Variants in RASAL2 observed in about 807,000 individuals in gnomAD.
RASAL2 encodes the protein RAS protein activator like 2.
RASAL2 carries 58 observed loss-of-function variants against 128.9 expected under a neutral mutation model. That is an observed-to-expected ratio of 0.45 (90% CI 0.36 to 0.56). RASAL2 has a LOEUF of 0.56. Ranked by LOEUF, RASAL2 falls within the 20% of genes least tolerant of loss-of-function variation. The pLI is 0.00. For synonymous variants in RASAL2, 561 were observed against 580.8 expected, an observed-to-expected ratio of 0.97 and a Z score of 0.49; for missense variants, 1,360 against 1,601.6, an observed-to-expected ratio of 0.85 and a Z score of 2.57.
chr1:178,271,631 C>T (rs536005935), intron 1 of RASAL2, among the ~76,000 whole-genome samples: 225 of 152,326 alleles, frequency 1.5e-3, no homozygotes, highest in Non-Finnish European at 2.7e-3. Context: ...TTCTCAGCTT[C>T]TTCCTCAAAG....
intron 1 of RASAL2, among the ~76,000 whole-genome samples, chr1:178,096,192 T>C (rs1259743006): frequency 6.6e-6 from 1 of 152,216 alleles, no homozygotes; most frequent in African/African-American, 2.4e-5. Context: ...TAGAGTATAT[T>C]GTAGTTACAA....
intron 1 of RASAL2, among the ~76,000 whole-genome samples, chr1:178,180,306 TCTTTCC>T (rs1481577391): frequency 6.6e-6 from 1 of 151,858 alleles, no homozygotes; most frequent in African/African-American, 2.4e-5. Flanking sequence ...ATTTTAGAAA[TCTTTCC>T]CTTTACCATT....
chr1:178,299,427 G>A (rs760027929), intron 2 of RASAL2, among the ~76,000 whole-genome samples: 5 of 152,086 alleles, frequency 3.3e-5, no homozygotes, highest in Admixed American at 6.6e-5. Context: ...GAGCAAGTAC[G>A]CACCTGGTTA....
At chr1:178,107,177 G>A (rs1292904489) in intron 1 of RASAL2, among the ~76,000 whole-genome samples, 2 of 152,092 alleles carry the variant, frequency 1.3e-5, no homozygotes, top group African/African-American at 4.8e-5. Context: ...TTGGTGATGT[G>A]AGATGATTAC....
intron 3 of RASAL2, among the ~76,000 whole-genome samples, chr1:178,314,428 A>C (rs1236221381): frequency 1.3e-5 from 2 of 152,232 alleles, no homozygotes; most frequent in Non-Finnish European, 2.9e-5. Context: ...TTCCTACTTT[A>C]GATTACAGAT....
intron 5 of RASAL2, among the ~76,000 whole-genome samples, chr1:178,436,916 C>T (rs886601085): frequency 3.3e-5 from 5 of 151,962 alleles, no homozygotes; most frequent in South Asian, 2.1e-4. Flanking sequence ...GAGTTGGCCT[C>T]GTCTCTTTTC....
rs1364267068 is a variant in RASAL2, at chr1:178,252,159, A to G, written c.203-31405A>G. ...ACTTTGAGATTATGATTGAGCCTGAATGAGTTTTATTTTAAAATTAATTCT... is the reference window on the plus strand; with the variant it reads ...ACTTTGAGATTATGATTGAGCCTGAGTGAGTTTTATTTTAAAATTAATTCT... On this transcript the variant is annotated intron_variant, in intron 1 of 17. Transcript: ENST00000367649. Among the ~76,000 whole-genome samples the G allele has an allele frequency of 4.6e-5, 7 of 152,182 alleles. No individual in the cohort carries two copies. In the South Asian group the frequency reaches 1.2e-3, roughly 27 times the overall value.
At chr1:178,279,155 G>A (rs1220758955) in intron 1 of RASAL2, among the ~76,000 whole-genome samples, 1 of 152,030 alleles carries the variant, frequency 6.6e-6, no homozygotes, top group Non-Finnish European at 1.5e-5. Flanking sequence ...TCCCTTTTAG[G>A]TTATCTTTCT....
chr1:178,254,028 A>G (rs888599600), intron 1 of RASAL2, among the ~76,000 whole-genome samples: 4 of 152,116 alleles, frequency 2.6e-5, no homozygotes, highest in African/African-American at 9.7e-5. Flanking sequence ...AAAATTTATA[A>G]CACACTCTGG....
chr1:178,229,833 T>C (rs900239497), intron 1 of RASAL2, among the ~76,000 whole-genome samples: 3 of 152,202 alleles, frequency 2.0e-5, no homozygotes, highest in Admixed American at 6.5e-5. Context: ...TATGATGAAA[T>C]GGTAAACCTT....
chr1:178,444,117 A>G (rs566627377), intron 8 of RASAL2, among the ~76,000 whole-genome samples: 1 of 152,234 alleles, frequency 6.6e-6, no homozygotes, highest in African/African-American at 2.4e-5. Context: ...AAAGCTTATG[A>G]GTTTGGAGCG....
rs201993133 is a variant in RASAL2, at chr1:178,466,129, C to T, written c.3590+7C>T. ...TGAAAAGCATCATCAGCAGGTTAGA[C>T]ATCACCTGGCAGCAGATGTGGGCTA... On this transcript the variant is annotated splice_region_variant and intron_variant, in intron 16 of 17. Coordinates refer to ENST00000367649, the MANE Select transcript of RASAL2 (RefSeq NM_170692.4). The T allele has an allele frequency of 1.7e-5, 26 of 1,542,382 alleles. No individual in the cohort carries two copies. Among genetic ancestry groups the T allele is most frequent in the East Asian group, 2.4e-5 (1 of 41,310 alleles).
At chr1:178,174,391 C>T (rs906598955) in intron 1 of RASAL2, among the ~76,000 whole-genome samples, 6 of 151,904 alleles carry the variant, frequency 3.9e-5, no homozygotes, top group African/African-American at 1.2e-4. Context: ...CATGGTAATA[C>T]GGTTTCCACT....
Position 178,460,565 on chromosome 1 carries a change from A to C in RASAL2, c.3252+2021A>C, listed in dbSNP as rs540089273. On this transcript the variant is annotated intron_variant, in intron 14 of 17. Coordinates refer to ENST00000367649, the MANE Select transcript of RASAL2 (RefSeq NM_170692.4). The stretch of plus-strand genomic sequence containing the variant: ...TACAGTCTCCAAACAACCAATATAA[A>C]AATTAGTTTTTGTGTCACAGCCATT... 7.9e-5 allele frequency among the ~76,000 whole-genome samples: 12 copies of C among 152,270 alleles called. No homozygotes were observed. The East Asian group carries it at 2.1e-3, about 27-fold the overall frequency.
rs749386045 is a variant in RASAL2, at chr1:178,442,896, G to A, written c.1149G>A (p.Val383=). The change falls in exon 8 of 18, where the codon GTG becomes GTA. Residue 383 remains valine (V), a synonymous_variant. Coordinates refer to ENST00000367649, the MANE Select transcript of RASAL2 (RefSeq NM_170692.4). The stretch of plus-strand genomic sequence containing the variant: ...TCACAGTTCACATTTACAAGGATGT[G>A]GAAAAAAAGAAAAAAAAGGACAAGA... ...HSITVHIYKD[V]EKKKKKDKNN... is the part of the protein sequence containing the mutation. The A allele has an allele frequency of 1.2e-5, 19 of 1,613,054 alleles. No individual in the cohort carries two copies. Among genetic ancestry groups the A allele is most frequent in the Admixed American group, 3.3e-5 (2 of 59,808 alleles).
chr1:178,145,226 TA>T (rs147388731), intron 1 of RASAL2, among the ~76,000 whole-genome samples: 16,590 of 152,148 alleles, frequency 0.11, 1,152 homozygotes, highest in African/African-American at 0.19. Context: ...AAAAAACAAA[TA>T]GGCATTTGAC....
At chr1:178,299,317 TTTATTTTATTTAACA>T (rs1238195339) in intron 2 of RASAL2, among the ~76,000 whole-genome samples, 1 of 152,192 alleles carries the variant, frequency 6.6e-6, no homozygotes, top group Admixed American at 6.5e-5. Context: ...TTTATTTCCA[TTTATTTTATTTAACA>T]TTGGACAAAA....
At chr1:178,237,000 G>A (rs1449911007) in intron 1 of RASAL2, among the ~76,000 whole-genome samples, 2 of 152,054 alleles carry the variant, frequency 1.3e-5, no homozygotes, top group African/African-American at 2.4e-5. Context: ...CTGATCTCAG[G>A]TGATCCACCC....
At chr1:178,249,319 G>T (rs1664932498) in intron 1 of RASAL2, among the ~76,000 whole-genome samples, 1 of 151,416 alleles carries the variant, frequency 6.6e-6, no homozygotes. Context: ...CCTTTCTTCT[G>T]CTTGATCGAT....
Sources: gnomAD v4.1 joint callset for allele counts (sites outside exome capture counted in the v4.1 genomes callset) on GRCh38, gnomAD v4.1.1 for gene constraint, MANE v1.5 for transcripts, NCBI Gene and HGNC (gene_info 2026-07-23, HGNC 2026-07-21) for gene names.